SVIL: variants seen among roughly 807,000 people sequenced by gnomAD.
The protein encoded by SVIL is supervillin.
Under a neutral mutation model 240.4 loss-of-function variants are expected in SVIL, and 101 were observed. The ratio of observed to expected loss-of-function variants is 0.42; its 90% CI spans 0.36 to 0.50. The LOEUF is 0.50. Among genes scored for constraint, SVIL ranks in the 20% least tolerant of loss-of-function variants. SVIL has a pLI of 0.01. For missense variants in SVIL, 2,512 were observed against 2,818.7 expected, an observed-to-expected ratio of 0.89 and a Z score of 2.46; for synonymous variants, 999 against 1,100.0, an observed-to-expected ratio of 0.91 and a Z score of 1.82.
chr10:29,586,227 T>A (rs1421960298), intron 1 of SVIL, among the ~76,000 whole-genome samples: 1 of 152,170 alleles, frequency 6.6e-6, no homozygotes, highest in Admixed American at 6.5e-5. Flanking sequence ...TTAATGCAAT[T>A]TGAGGAGAGA....
chr10:29,726,521 C>A (rs1051700033), intron 1 of SVIL, among the ~76,000 whole-genome samples: 2 of 151,722 alleles, frequency 1.3e-5, no homozygotes, highest in Non-Finnish European at 2.9e-5. Flanking sequence ...CCGAGGCGGG[C>A]GGATCACTTG....
chr10:29,675,866 A>G (rs769004130), intron 2 of SVIL, among the ~76,000 whole-genome samples: 8 of 152,230 alleles, frequency 5.3e-5, no homozygotes, highest in African/African-American at 1.4e-4. Flanking sequence ...TTGAATAAAC[A>G]TAGAAATTGA....
In SVIL at chr10:29,569,264, T is replaced by C; in HGVS notation, c.-152A>G. ...GACAAGGCCACTTTACCTTGAAACT[T>C]TCCTTTGACGTGGGAATCCAAGGAA... is the stretch of plus-strand genomic sequence containing the variant. On this transcript the variant is annotated 5_prime_UTR_variant, in exon 2 of 38. Coordinates refer to ENST00000355867, the MANE Select transcript of SVIL (RefSeq NM_021738.3). The C allele has an allele frequency of 3.0e-6, 3 of 985,842 alleles. No individual in the cohort carries two copies. Among genetic ancestry groups the C allele is most frequent in the Non-Finnish European group, 3.6e-6 (3 of 829,882 alleles). The allele number at this position is 985,842 out of a possible 1,614,324, so 61.1% of individuals were successfully genotyped here.
At chr10:29,553,562 CAA>C (rs34171558) in intron 5 of SVIL, among the ~76,000 whole-genome samples, 45,242 of 151,712 alleles carry the variant, frequency 0.3, 7,015 homozygotes, top group African/African-American at 0.38. Context: ...GCCTGGGCGA[CAA>C]GAGCAAAACT....
chr10:29,700,851 T>G (rs774410135), intron 1 of SVIL, among the ~76,000 whole-genome samples: 8 of 152,238 alleles, frequency 5.3e-5, no homozygotes, highest in Non-Finnish European at 1.2e-4. Context: ...TTCAGTCCTC[T>G]TGGTTATTTG....
intron 6 of SVIL, among the ~76,000 whole-genome samples, chr10:29,549,912 A>C (rs1461529607): frequency 7.2e-6 from 1 of 139,050 alleles, no homozygotes; most frequent in Admixed American, 7.2e-5. Flanking sequence ...TGGGAGATAT[A>C]CCTAATGCTA....
chr10:29,669,836 C>T (rs1007877122), intron 2 of SVIL, among the ~76,000 whole-genome samples: 11 of 152,214 alleles, frequency 7.2e-5, no homozygotes, highest in South Asian at 6.2e-4. Flanking sequence ...GGAAAGTTGC[C>T]GGCTGTGGTG....
At chr10:29,608,608 G>A (rs549418987) in intron 1 of SVIL, among the ~76,000 whole-genome samples, 40 of 152,354 alleles carry the variant, frequency 2.6e-4, no homozygotes, top group African/African-American at 7.9e-4. Context: ...CCAAGTGCCC[G>A]CTCCAGTGCG....
At chr10:29,508,678 G>A (rs1483411322) in intron 17 of SVIL, 3 of 340,204 alleles carry the variant, frequency 8.8e-6, no homozygotes, top group South Asian at 2.3e-5. Flanking sequence ...AGCAGACACT[G>A]AGCATATAAA....
intron 3 of SVIL, among the ~76,000 whole-genome samples, chr10:29,562,880 C>A (rs112101030): frequency 6.6e-6 from 1 of 151,518 alleles, no homozygotes; most frequent in Non-Finnish European, 1.5e-5. Context: ...GAACTCACTG[C>A]CCTTGGAGAA....
In SVIL at chr10:29,484,668, G is replaced by A. The variant is rs139434743; in HGVS notation, c.4943C>T (p.Pro1648Leu). The change falls in exon 27 of 38, where the codon CCG (proline) becomes CTG (leucine). Residue 1648 changes from proline (P) to leucine (L), a missense_variant. This residue lies in a region of SVIL where 797 missense variants were observed against 925.3 expected (regional missense o/e 0.86). Transcript: ENST00000355867. The surrounding 1 kb of genome is among the most constrained non-coding windows in gnomAD (Gnocchi z 4.7). ...GCGGCAGGAGTACCTGGGGATAAGCGGATTGCATTCTCCAGGATCCAGGGG... is the reference window on the plus strand; with the variant it reads ...GCGGCAGGAGTACCTGGGGATAAGCAGATTGCATTCTCCAGGATCCAGGGG... ...INPLDPGECN[P>L]LIPRKGQGRP... The A allele has an allele frequency of 2.5e-4, 403 of 1,612,296 alleles. 8 individuals carry two copies. Among genetic ancestry groups the A allele is most frequent in the Middle Eastern group, 8.3e-4 (5 of 6,050 alleles).
chr10:29,470,435 T>C lies in SVIL; in HGVS notation c.5684A>G (p.Asn1895Ser). 1 of 1,614,132 alleles carries C rather than the reference T, an allele frequency of 6.2e-7. No homozygotes were observed. The highest frequency in any genetic ancestry group is 8.5e-7 in the Non-Finnish European group (1 of 1,180,032). The change falls in exon 32 of 38, where the codon AAT (asparagine) becomes AGT (serine). Residue 1895 changes from asparagine to serine, a missense_variant. Around this residue, in one of 3 missense-constraint regions of SVIL, gnomAD observed 797 missense variants for 925.3 expected, o/e 0.86. Coordinates refer to ENST00000355867, the MANE Select transcript of SVIL (RefSeq NM_021738.3). ...CVRGEVPVEG[N>S]LLEVACHCSS... ...ACAGTGACAGGCCACTTCCAGCAAA[T>C]TCCCTTCCACGGGCACCTCTCCACG... is the stretch of plus-strand genomic sequence containing the variant.
chr10:29,525,200 A>T (rs770995548), intron 13 of SVIL, among the ~76,000 whole-genome samples: 3 of 152,214 alleles, frequency 2.0e-5, no homozygotes. Context: ...CTAAAGACAA[A>T]TGGCTTAATT....
At position 29,495,249 on chromosome 10, in the gene SVIL, G is replaced by C. The variant is rs2368402; in HGVS notation, c.3665-68C>G. 0.024 allele frequency: 18,245 copies of C among 775,764 alleles called. 2,926 individuals are homozygous for C. In the African/African-American group the frequency reaches 0.24, roughly 10 times the overall value. 48.1% of individuals were successfully genotyped at this position (775,764 alleles called of 1,614,324 possible). A position where few individuals can be genotyped will look rare whatever the true frequency, so the allele number is the denominator to read the frequency against. On this transcript the variant is annotated intron_variant, in intron 18 of 37. Transcript: ENST00000355867. ...TTCTGGAAATCTCCGGGACCCTGGT[G>C]GATCTCCAGAAATCCCAGGGTAGAC...
At chr10:29,701,152 A>AC (rs1481078944) in intron 1 of SVIL, among the ~76,000 whole-genome samples, 5 of 150,832 alleles carry the variant, frequency 3.3e-5, no homozygotes, top group Non-Finnish European at 7.4e-5. Context: ...TACCCCACCC[A>AC]CCCCTCACTG....
At chr10:29,700,664 G>C (rs918632225) in intron 1 of SVIL, among the ~76,000 whole-genome samples, 1 of 151,894 alleles carries the variant, frequency 6.6e-6, no homozygotes, top group Admixed American at 6.6e-5. Context: ...TAGAGACGGG[G>C]TTTCACCACT....
At chr10:29,585,915 G>C (rs375023040) in intron 1 of SVIL, among the ~76,000 whole-genome samples, 5 of 152,250 alleles carry the variant, frequency 3.3e-5, no homozygotes, top group African/African-American at 1.2e-4. Flanking sequence ...CGCGGTCACT[G>C]CCCCATCCTG....
At chr10:29,587,542 A>AC (rs1956220188) in intron 1 of SVIL, among the ~76,000 whole-genome samples, 1 of 151,936 alleles carries the variant, frequency 6.6e-6, no homozygotes, top group African/African-American at 2.4e-5. Flanking sequence ...AATAATAGAA[A>AC]CTTGTCCCTG....
upstream of SVIL, among the ~76,000 whole-genome samples, chr10:29,736,024 A>T (rs1385163090): frequency 6.6e-6 from 1 of 152,022 alleles, no homozygotes; most frequent in Non-Finnish European, 1.5e-5. Flanking sequence ...TCGGGCGGAG[A>T]GGGTGGGGAC....
Sources: allele counts gnomAD v4.1 joint callset (sites outside exome capture counted in the v4.1 genomes callset), GRCh38; gene constraint gnomAD v4.1.1; regional missense constraint gnomAD v4.1.1; non-coding constraint Gnocchi (gnomAD v3.1); transcripts MANE v1.5; gene names NCBI Gene and HGNC (gene_info 2026-07-23, HGNC 2026-07-21).